PRKCH: variants seen among roughly 807,000 people sequenced by gnomAD.
PRKCH encodes protein kinase C eta.
A neutral mutation model predicts 82.5 loss-of-function variants in PRKCH; 28 were observed. The observed-to-expected ratio is 0.34, with a 90% CI of 0.25 to 0.47. PRKCH has a LOEUF of 0.47. Ranked by LOEUF, PRKCH falls within the 20% of genes least tolerant of loss-of-function variation. The pLI, the probability that PRKCH is intolerant of heterozygous loss-of-function variation, is 1.00. For missense variants in PRKCH, 705 were observed against 881.8 expected (o/e 0.80, Z 2.54); for synonymous variants, 322 against 327.4 (o/e 0.98, Z 0.18).
upstream of PRKCH, chr14:61,321,572 G>C (rs557641166): frequency 9.8e-5 from 15 of 152,628 alleles, no homozygotes; most frequent in East Asian, 2.7e-3. This position sits in a 1 kb window ranked among gnomAD's most constrained non-coding sequence, Gnocchi z 4.1. Context: ...GCGGACGCGG[G>C]GGTTCTGTGA....
chr14:61,384,788 C>T (rs1475686477), intron 1 of PRKCH, among the ~76,000 whole-genome samples: 1 of 152,008 alleles, frequency 6.6e-6, no homozygotes, highest in Admixed American at 6.6e-5. Flanking sequence ...TATTTTCAGT[C>T]CACTTCGGGG....
At chr14:61,547,421 C>G (rs1232305030) in intron 12 of PRKCH, among the ~76,000 whole-genome samples, 1 of 152,112 alleles carries the variant, frequency 6.6e-6, no homozygotes, top group Non-Finnish European at 1.5e-5. Flanking sequence ...GGGAAAGGCA[C>G]ACTGTTATAA....
At chr14:61,453,600 T>G (rs1034073204) in intron 7 of PRKCH, among the ~76,000 whole-genome samples, 1 of 150,028 alleles carries the variant, frequency 6.7e-6, no homozygotes, top group African/African-American at 2.5e-5. Flanking sequence ...TCCTCTCCTT[T>G]CCTCTCCTTT....
chr14:61,300,650 T>C (rs2045441659), intron 1 of PRKCH, among the ~76,000 whole-genome samples: 1 of 152,136 alleles, frequency 6.6e-6, no homozygotes, highest in South Asian at 2.1e-4. Flanking sequence ...TTGGTAAGGT[T>C]TTCCTTTTAA....
At chr14:61,421,461 A>G (rs144310501) in intron 2 of PRKCH, among the ~76,000 whole-genome samples, 92 of 152,260 alleles carry the variant, frequency 6.0e-4, no homozygotes, top group Non-Finnish European at 1.1e-3. Context: ...TCTTGAGAGA[A>G]TTTATGAAAT....
chr14:61,231,150 T>A (rs1423097063), intron 1 of PRKCH, among the ~76,000 whole-genome samples: 1 of 152,232 alleles, frequency 6.6e-6, no homozygotes, highest in East Asian at 1.9e-4. Flanking sequence ...AACAGCTAGC[T>A]GTGTGACCTT....
intron 1 of PRKCH, among the ~76,000 whole-genome samples, chr14:61,378,526 T>A (rs762092711): frequency 6.6e-5 from 10 of 152,164 alleles, no homozygotes; most frequent in African/African-American, 9.7e-5. Flanking sequence ...CTTTTGATGT[T>A]GCCACTGACC....
rs954100971 is a variant in PRKCH, at chr14:61,485,649, A to C, written c.1426A>C (p.Ile476Leu). ...CATGTTCCTCCATGATAAAGGAATC[A>C]TCTATAGGTGAGTTTTGGTTGCTGC... ...ALMFLHDKGI[I>L]YRDLKLDNVL... is the part of the protein sequence containing the mutation. Residue 476 changes from isoleucine (I) to leucine (L), a missense_variant, in exon 10 of 14, where the codon ATC becomes CTC. Ile to Leu is a conservative substitution (Grantham distance 5). This residue lies in a region of PRKCH where 115 missense variants were observed against 193.8 expected (regional missense o/e 0.59). Transcript: ENST00000332981. The C allele has an allele frequency of 6.2e-7, 1 of 1,613,296 alleles. No homozygotes were observed. Among genetic ancestry groups the C allele is most frequent in the African/African-American group, 1.3e-5 (1 of 74,918 alleles).
chr14:61,501,760 C>T (rs1254090480), intron 10 of PRKCH, among the ~76,000 whole-genome samples: 1 of 152,128 alleles, frequency 6.6e-6, no homozygotes, highest in African/African-American at 2.4e-5. Flanking sequence ...TAAATTAATG[C>T]ATATACATAA....
At chr14:61,485,021 G>A (rs977243438) in intron 9 of PRKCH, among the ~76,000 whole-genome samples, 4 of 151,854 alleles carry the variant, frequency 2.6e-5, no homozygotes, top group Admixed American at 6.6e-5. Context: ...ACTGCACCCG[G>A]CCTCCACTTC....
intron 10 of PRKCH, among the ~76,000 whole-genome samples, chr14:61,527,070 AC>A: frequency 6.6e-6 from 1 of 152,224 alleles, no homozygotes; most frequent in Non-Finnish European, 1.5e-5. Context: ...CAACAGGACA[AC>A]CAGGTGCTTG....
intron 10 of PRKCH, among the ~76,000 whole-genome samples, chr14:61,497,826 A>G (rs1330129001): frequency 6.6e-6 from 1 of 152,164 alleles, no homozygotes; most frequent in African/African-American, 2.4e-5. Context: ...GAGACTACCC[A>G]AAGAAAGACT....
At chr14:61,324,138 A>G (rs2045665582) in intron 1 of PRKCH, among the ~76,000 whole-genome samples, 1 of 152,214 alleles carries the variant, frequency 6.6e-6, no homozygotes, top group South Asian at 2.1e-4. Flanking sequence ...TCCAGTATGC[A>G]GTCGAGGTGG....
chr14:61,490,893 G>T (rs952766139), intron 10 of PRKCH, among the ~76,000 whole-genome samples: 15 of 152,058 alleles, frequency 9.9e-5, no homozygotes, highest in African/African-American at 3.6e-4. Context: ...ACTCCAACCT[G>T]GGTGACAGAG....
chr14:61,476,408 A>T (rs977344779), intron 9 of PRKCH: 1 of 152,264 alleles, frequency 6.6e-6, no homozygotes, highest in African/African-American at 2.4e-5. Flanking sequence ...GGAAAGCTGT[A>T]TGTGGACCAG....
At chr14:61,463,440 A>G (rs1486898355) in intron 9 of PRKCH, 1 of 152,150 alleles carries the variant, frequency 6.6e-6, no homozygotes, top group African/African-American at 2.4e-5. Context: ...ATTTATCAAG[A>G]TTGCTACAAA....
At chr14:61,362,499 TAAC>T (rs1341773611) in intron 1 of PRKCH, among the ~76,000 whole-genome samples, 1 of 152,212 alleles carries the variant, frequency 6.6e-6, no homozygotes, top group East Asian at 1.9e-4. Context: ...GTCTGAGTAA[TAAC>T]AAATCCATCA....
At chr14:61,503,277 T>A (rs1242714471) in intron 10 of PRKCH, among the ~76,000 whole-genome samples, 1 of 151,622 alleles carries the variant, frequency 6.6e-6, no homozygotes, top group African/African-American at 2.4e-5. Flanking sequence ...GTGACTGATT[T>A]GTATGTGTGT....
At chr14:61,334,137 C>A (rs2045823539) in intron 1 of PRKCH, among the ~76,000 whole-genome samples, 1 of 152,168 alleles carries the variant, frequency 6.6e-6, no homozygotes, top group Admixed American at 6.5e-5. Context: ...TTTCCCGACT[C>A]CACCTCAGTG....
Sources: allele counts gnomAD v4.1 joint callset (sites outside exome capture counted in the v4.1 genomes callset), GRCh38; gene constraint gnomAD v4.1.1; regional missense constraint gnomAD v4.1.1; non-coding constraint Gnocchi (gnomAD v3.1); transcripts MANE v1.5; gene names NCBI Gene and HGNC (gene_info 2026-07-23, HGNC 2026-07-21).